Variants in PLPPR4 observed in about 807,000 individuals in gnomAD.
The protein encoded by PLPPR4 is phospholipid phosphatase related 4.
PLPPR4 carries 24 observed loss-of-function variants against 56.6 expected under a neutral mutation model. The observed-to-expected ratio is 0.42, with a 90% CI of 0.31 to 0.60. The LOEUF is 0.60. Among genes scored for constraint, PLPPR4 ranks in the 20% least tolerant of loss-of-function variants. The probability of loss-of-function intolerance (pLI) is 0.13; values close to 1 mark genes in which losing one functional copy is unlikely to be tolerated. For missense variants in PLPPR4, 654 were observed against 885.8 expected, an observed-to-expected ratio of 0.74 and a Z score of 3.32; for synonymous variants, 326 against 328.1, an observed-to-expected ratio of 0.99 and a Z score of 0.07.
rs1659816585 is a variant in PLPPR4 at position 99,299,028 on chromosome 1, C to T, written c.395-7C>T. 5 of 1,606,746 alleles carry T rather than the reference C, an allele frequency of 3.1e-6. No homozygotes were observed. The highest frequency in any genetic ancestry group is 4.3e-6 in the Non-Finnish European group (5 of 1,173,608). ...CTTGGTAACAATTTCTTTCATTTTGCCTATAGGTGTTCATGTATTTGGATT... is the reference window on the plus strand; with the variant it reads ...CTTGGTAACAATTTCTTTCATTTTGTCTATAGGTGTTCATGTATTTGGATT... On this transcript the variant is annotated splice_polypyrimidine_tract_variant and splice_region_variant and intron_variant, in intron 3 of 6. Coordinates refer to ENST00000370185, the MANE Select transcript of PLPPR4 (RefSeq NM_014839.5).
At chr1:99,276,599 G>A (rs1659190847) in intron 1 of PLPPR4, among the ~76,000 whole-genome samples, 1 of 151,822 alleles carries the variant, frequency 6.6e-6, no homozygotes, top group South Asian at 2.1e-4. Context: ...AATACAAGGG[G>A]ACTTCTAAAA....
At chr1:99,286,858 A>C (rs1659475261) in intron 1 of PLPPR4, among the ~76,000 whole-genome samples, 1 of 152,190 alleles carries the variant, frequency 6.6e-6, no homozygotes, top group East Asian at 1.9e-4. Flanking sequence ...ATTCAAGTTG[A>C]GTGGGAACCA....
At chr1:99,292,190 A>G (rs1659639772) in intron 2 of PLPPR4, among the ~76,000 whole-genome samples, 1 of 152,154 alleles carries the variant, frequency 6.6e-6, no homozygotes, top group Non-Finnish European at 1.5e-5. Flanking sequence ...TATTTTATCA[A>G]GTTGCTAGGA....
chr1:99,285,384 T>A (rs1160012117), intron 1 of PLPPR4, among the ~76,000 whole-genome samples: 3 of 152,156 alleles, frequency 2.0e-5, no homozygotes, highest in Admixed American at 2.0e-4. Flanking sequence ...TGGATTTAAG[T>A]GGAAATTTCA....
At chr1:99,295,116 C>T (rs1183679694) in intron 2 of PLPPR4, among the ~76,000 whole-genome samples, 2 of 152,150 alleles carry the variant, frequency 1.3e-5, no homozygotes, top group African/African-American at 4.8e-5. Flanking sequence ...AAATGGTTAA[C>T]TCAGCATCCA....
chr1:99,305,453 TAGGATGGAGA>T (rs1485486292), intron 6 of PLPPR4, among the ~76,000 whole-genome samples: 3 of 152,134 alleles, frequency 2.0e-5, no homozygotes, highest in Non-Finnish European at 4.4e-5. Context: ...AAACATCCAG[TAGGATGGAGA>T]AAAGAATGGG....
intron 1 of PLPPR4, among the ~76,000 whole-genome samples, chr1:99,268,276 C>A (rs1173990866): frequency 6.6e-6 from 1 of 152,224 alleles, no homozygotes; most frequent in Non-Finnish European, 1.5e-5. Flanking sequence ...AGTGTCCAAG[C>A]ACAAAGAGTT....
Position 99,307,011 on chromosome 1 carries a change from G to C in PLPPR4, c.*1G>C. ...CCCCACACGGGCTTATAAGGATTGA[G>C]TGATGTCCATTCCATCATTAGGGCT... On this transcript the variant is annotated 3_prime_UTR_variant, in exon 7 of 7. Coordinates refer to ENST00000370185, the MANE Select transcript of PLPPR4 (RefSeq NM_014839.5). 1 of 1,585,144 alleles carries C rather than the reference G, an allele frequency of 6.3e-7. No homozygotes were observed. Among genetic ancestry groups the C allele is most frequent in the East Asian group, 2.2e-5 (1 of 44,678 alleles).
intron 2 of PLPPR4, among the ~76,000 whole-genome samples, chr1:99,296,174 A>G (rs1391021007): frequency 6.6e-6 from 1 of 152,164 alleles, no homozygotes; most frequent in Admixed American, 6.6e-5. Flanking sequence ...TGTAATCTTC[A>G]TTCTCTGATA....
chr1:99,264,350 A>T, upstream of PLPPR4: 4 of 1,019,906 alleles, frequency 3.9e-6, no homozygotes, highest in Non-Finnish European at 5.5e-6. Context: ...CGCCAGAAAA[A>T]CGGGGAGCAG....
At chr1:99,301,694 CAT>C (rs757771021) in intron 5 of PLPPR4, 28 bp from the exon 6 acceptor site, 1 of 1,527,542 alleles carries the variant, frequency 6.5e-7, no homozygotes, top group South Asian at 1.2e-5. Flanking sequence ...GCCTTTCTAA[CAT>C]ACTTAACCCA....
chr1:99,265,801 C>A (rs905034676), intron 1 of PLPPR4, among the ~76,000 whole-genome samples: 2 of 152,102 alleles, frequency 1.3e-5, no homozygotes, highest in African/African-American at 4.8e-5. Context: ...TGCCTTGAAA[C>A]TTGGGAGAAG....
intron 3 of PLPPR4, among the ~76,000 whole-genome samples, chr1:99,298,639 T>C (rs1389602735): frequency 6.6e-6 from 1 of 152,148 alleles, no homozygotes; most frequent in Non-Finnish European, 1.5e-5. Context: ...TTAGAGACCA[T>C]CAGGGAGAAA....
At chr1:99,265,965 T>C (rs1484038804) in intron 1 of PLPPR4, among the ~76,000 whole-genome samples, 12 of 152,270 alleles carry the variant, frequency 7.9e-5, no homozygotes, top group Non-Finnish European at 1.2e-4. Context: ...TCATGAACCA[T>C]AGAAAAGAAG....
At chr1:99,269,461 G>A (rs543002544) in intron 1 of PLPPR4, among the ~76,000 whole-genome samples, 3 of 152,338 alleles carry the variant, frequency 2.0e-5, no homozygotes, top group African/African-American at 7.2e-5. Context: ...TGATAAGGCT[G>A]GTTGTCTGGG....
chr1:99,290,117 CA>C (rs1319580849), intron 2 of PLPPR4, among the ~76,000 whole-genome samples: 1 of 152,018 alleles, frequency 6.6e-6, no homozygotes, highest in African/African-American at 2.4e-5. Flanking sequence ...AACTATTGTG[CA>C]AAAATCACTA....
At chr1:99,283,908 CACCCCTGCACT>C (rs1456630777) in intron 1 of PLPPR4, among the ~76,000 whole-genome samples, 62 of 152,234 alleles carry the variant, frequency 4.1e-4, no homozygotes, top group African/African-American at 1.5e-3. Context: ...GCCGAAATGG[CACCCCTGCACT>C]CCAGCTTGGG....
chr1:99,273,133 T>C (rs1359165873), intron 1 of PLPPR4, among the ~76,000 whole-genome samples: 1 of 152,110 alleles, frequency 6.6e-6, no homozygotes, highest in Admixed American at 6.6e-5. Context: ...AATACTAATT[T>C]TGGCAGAACT....
chr1:99,275,520 G>A (rs1049292074), intron 1 of PLPPR4, among the ~76,000 whole-genome samples: 2 of 152,148 alleles, frequency 1.3e-5, no homozygotes, highest in African/African-American at 2.4e-5. Flanking sequence ...ATCTGTGATG[G>A]ATTCGTCGTT....
Sources: gnomAD v4.1 joint callset for allele counts (sites outside exome capture counted in the v4.1 genomes callset) on GRCh38, gnomAD v4.1.1 for gene constraint, MANE v1.5 for transcripts, NCBI Gene and HGNC (gene_info 2026-07-23, HGNC 2026-07-21) for gene names.